ARHGEF4: variants seen among roughly 807,000 people sequenced by gnomAD.
The protein encoded by ARHGEF4 is APC-stimulated guanine nucleotide exchange factor 1.
ARHGEF4 carries 119 observed loss-of-function variants against 162.0 expected under a neutral mutation model. The observed-to-expected ratio is 0.73, with a 90% CI of 0.63 to 0.86. The LOEUF (loss-of-function observed/expected upper bound fraction) is 0.86, where lower values mean the gene tolerates loss of function less well. Ranked by LOEUF, ARHGEF4 falls within the 40% of genes least tolerant of loss-of-function variation. The pLI, the probability that ARHGEF4 is intolerant of heterozygous loss-of-function variation, is 0.00. For missense variants in ARHGEF4, 2,488 were observed against 2,456.0 expected, an observed-to-expected ratio of 1.01 and a Z score of -0.28; for synonymous variants, 1,014 against 979.9, an observed-to-expected ratio of 1.03 and a Z score of -0.65.
intron 5 of ARHGEF4, among the ~76,000 whole-genome samples, chr2:131,029,834 G>A (rs1057203367): frequency 4.6e-5 from 7 of 152,342 alleles, no homozygotes; most frequent in African/African-American, 1.2e-4. Flanking sequence ...GATTACAAGC[G>A]TAAGCCACCA....
chr2:130,991,564 G>C (rs996198482), intron 4 of ARHGEF4, among the ~76,000 whole-genome samples: 37 of 152,330 alleles, frequency 2.4e-4, no homozygotes, highest in African/African-American at 7.9e-4. Flanking sequence ...TGCCGGCCCC[G>C]GGCAATGAGG....
At chr2:130,913,489 G>A (rs2105050912) in intron 1 of ARHGEF4, among the ~76,000 whole-genome samples, 1 of 152,252 alleles carries the variant, frequency 6.6e-6, no homozygotes, top group African/African-American at 2.4e-5. Context: ...TCTCATTTTT[G>A]TTGTTGCTGT....
At chr2:130,963,007 G>C (rs894711368) in intron 4 of ARHGEF4, among the ~76,000 whole-genome samples, 2 of 152,152 alleles carry the variant, frequency 1.3e-5, no homozygotes, top group African/African-American at 4.8e-5. Flanking sequence ...AGAAGAACCT[G>C]TGTGTGTCTG....
intron 2 of ARHGEF4, among the ~76,000 whole-genome samples, chr2:130,918,779 C>T (rs765678136): frequency 7.2e-5 from 11 of 152,156 alleles, no homozygotes; most frequent in Non-Finnish European, 1.0e-4. Flanking sequence ...TTCACCTCCT[C>T]AGTCTGTTTG....
At chr2:131,045,338 G>A (rs556116894) in intron 12 of ARHGEF4, 31 bp from the exon 13 acceptor site, 1 of 1,601,096 alleles carries the variant, frequency 6.2e-7, no homozygotes, top group South Asian at 1.1e-5. Flanking sequence ...CACGAAGTGG[G>A]GCAGCGCCCT....
Position 130,931,006 on chromosome 2 carries a change from C to CCT in ARHGEF4, c.3607_3608insCT (p.Gln1203ProfsTer20). On this transcript the variant is annotated frameshift_variant, in exon 3 of 14. Transcript: ENST00000409359. LOFTEE classifies it high-confidence loss of function. ...TGAGAAGCCCAGTTGCTCTCACAGT[C>CCT]AGAAGGCGTTCCACATGGAGCCTGC... is the stretch of plus-strand genomic sequence containing the variant. 6.2e-7 allele frequency: 1 copy of CCT among 1,613,888 alleles called. No individual in the cohort carries two copies. Among genetic ancestry groups the CCT allele is most frequent in the Non-Finnish European group, 8.5e-7 (1 of 1,179,802 alleles).
intron 1 of ARHGEF4, among the ~76,000 whole-genome samples, chr2:130,838,198 G>C (rs1680339465): frequency 6.6e-6 from 1 of 152,248 alleles, no homozygotes; most frequent in African/African-American, 2.4e-5. Context: ...TTGAGGAGGT[G>C]TACAATCTTG....
intron 1 of ARHGEF4, among the ~76,000 whole-genome samples, chr2:130,902,843 T>A (rs993175940): frequency 2.6e-5 from 4 of 152,222 alleles, no homozygotes; most frequent in Admixed American, 6.5e-5. Context: ...TCTGACATTC[T>A]TATAATTTCT....
At chr2:130,896,149 G>T (rs951088264) in intron 1 of ARHGEF4, among the ~76,000 whole-genome samples, 3 of 152,080 alleles carry the variant, frequency 2.0e-5, no homozygotes, top group Admixed American at 2.0e-4. Flanking sequence ...GCCAGGTCTT[G>T]ATTTTTATAT....
intron 1 of ARHGEF4, among the ~76,000 whole-genome samples, chr2:130,911,681 T>C (rs1681195486): frequency 6.6e-6 from 1 of 151,414 alleles, no homozygotes; most frequent in East Asian, 1.9e-4. Context: ...TCATCTTAGA[T>C]TTTTTTTCCC....
intron 4 of ARHGEF4, among the ~76,000 whole-genome samples, chr2:130,972,583 C>T (rs1351576927): frequency 5.9e-5 from 9 of 152,186 alleles, no homozygotes. Context: ...GAAGCCTGCA[C>T]CCAAGAGTTC....
chr2:130,882,656 G>C (rs1011457715), intron 1 of ARHGEF4, among the ~76,000 whole-genome samples: 2 of 152,034 alleles, frequency 1.3e-5, no homozygotes, highest in African/African-American at 2.4e-5. Flanking sequence ...CCCTGTTTCT[G>C]CTCACTGAGG....
At chr2:130,971,655 CAAAAAAAAAAA>C in intron 4 of ARHGEF4, among the ~76,000 whole-genome samples, 1 of 101,340 alleles carries the variant, frequency 9.9e-6, no homozygotes, top group South Asian at 3.9e-4. Flanking sequence ...GAGACTGTCT[CAAAAAAAAAAA>C]AAAAAAAAAA....
intron 4 of ARHGEF4, chr2:130,946,890 G>A: frequency 5.6e-6 from 2 of 355,042 alleles, no homozygotes; most frequent in Non-Finnish European, 1.1e-5. Flanking sequence ...ATCACTTGAG[G>A]TCAGGAGCTC....
intron 1 of ARHGEF4, among the ~76,000 whole-genome samples, 200 bp from the exon 2 acceptor site, chr2:130,913,786 T>C (rs1450817079): frequency 2.0e-5 from 3 of 152,238 alleles, no homozygotes; most frequent in Non-Finnish European, 2.9e-5. Flanking sequence ...TTCTCCCTAC[T>C]GATTGGGTTT....
intron 4 of ARHGEF4, among the ~76,000 whole-genome samples, chr2:130,993,687 G>T (rs1687198395): frequency 6.6e-6 from 1 of 151,976 alleles, no homozygotes; most frequent in Admixed American, 6.6e-5. Flanking sequence ...AATGCATTTT[G>T]TCTTAAAGTC....
intron 1 of ARHGEF4, among the ~76,000 whole-genome samples, chr2:130,848,179 G>T (rs1353074553): frequency 6.6e-6 from 1 of 152,166 alleles, no homozygotes; most frequent in Non-Finnish European, 1.5e-5. Flanking sequence ...GAGGCTTCCC[G>T]ACCTCAGAGG....
At chr2:131,029,988 CTGTGACACCAGATGG>C (rs1409196584) in intron 5 of ARHGEF4, among the ~76,000 whole-genome samples, 3 of 152,192 alleles carry the variant, frequency 2.0e-5, no homozygotes, top group African/African-American at 4.8e-5. Flanking sequence ...GTTCACATGG[CTGTGACACCAGATGG>C]TGTGAGGCTG....
intron 3 of ARHGEF4, among the ~76,000 whole-genome samples, chr2:130,933,111 A>T (rs1286848817): frequency 6.6e-6 from 1 of 151,838 alleles, no homozygotes; most frequent in Non-Finnish European, 1.5e-5. Flanking sequence ...GCTACTCGGG[A>T]GGTTGAGGTG....
Sources: allele counts gnomAD v4.1 joint callset (sites outside exome capture counted in the v4.1 genomes callset), GRCh38; gene constraint gnomAD v4.1.1; transcripts MANE v1.5; gene names NCBI Gene and HGNC (gene_info 2026-07-23, HGNC 2026-07-21).